NDUFAF2: variants seen among roughly 807,000 people sequenced by gnomAD.
NDUFAF2 encodes NADH:ubiquinone oxidoreductase complex assembly factor 2, also known as NADH dehydrogenase [ubiquinone] 1 alpha subcomplex assembly factor 2.
Under a neutral mutation model 22.8 loss-of-function variants are expected in NDUFAF2, and 13 were observed. That is an observed-to-expected ratio of 0.57 (90% confidence interval 0.37 to 0.91). The LOEUF is 0.91. NDUFAF2 is among the 40% of genes least tolerant of loss of function. NDUFAF2 has a pLI of 0.01. For missense variants in NDUFAF2, 162 were observed against 195.2 expected (o/e 0.83, Z 1.01); for synonymous variants, 53 against 64.2 (o/e 0.83, Z 0.84).
intron 1 of NDUFAF2, among the ~76,000 whole-genome samples, chr5:61,038,762 T>A (rs1392723460): frequency 6.6e-6 from 1 of 152,184 alleles, no homozygotes; most frequent in African/African-American, 2.4e-5. Context: ...AAGTTATTAT[T>A]AATCATCCAA....
intron 1 of NDUFAF2, among the ~76,000 whole-genome samples, chr5:60,951,767 G>A (rs540311044): frequency 6.6e-6 from 1 of 151,954 alleles, no homozygotes; most frequent in Non-Finnish European, 1.5e-5. Flanking sequence ...TGAAGAATTT[G>A]TATTACTTAT....
At chr5:61,012,401 AG>A (rs2112598398) in intron 1 of NDUFAF2, among the ~76,000 whole-genome samples, 1 of 152,268 alleles carries the variant, frequency 6.6e-6, no homozygotes, top group Non-Finnish European at 1.5e-5. Context: ...CAAATATTGA[AG>A]ACATAGCTAT....
chr5:61,069,015 G>T (rs1046781338), intron 1 of NDUFAF2, among the ~76,000 whole-genome samples: 1 of 151,926 alleles, frequency 6.6e-6, no homozygotes, highest in African/African-American at 2.4e-5. Flanking sequence ...TTATTTAAAT[G>T]AAGTAATAAT....
intron 1 of NDUFAF2, among the ~76,000 whole-genome samples, chr5:60,968,516 G>A (rs1461150448): frequency 6.6e-6 from 1 of 150,602 alleles, no homozygotes; most frequent in Non-Finnish European, 1.5e-5. Flanking sequence ...ATAAGTTTTG[G>A]TATGTTATGT....
chr5:61,027,803 G>A (rs185316629), intron 1 of NDUFAF2, among the ~76,000 whole-genome samples: 5 of 151,608 alleles, frequency 3.3e-5, no homozygotes, highest in Non-Finnish European at 5.9e-5. Flanking sequence ...TTCATCACCC[G>A]ATCAAATCAA....
intron 1 of NDUFAF2, among the ~76,000 whole-genome samples, chr5:61,010,880 A>G (rs1360852277): frequency 6.6e-6 from 1 of 152,080 alleles, no homozygotes; most frequent in Non-Finnish European, 1.5e-5. Flanking sequence ...GGGAAAGGGC[A>G]TTTTCTTCTT....
rs954646691 is a variant in NDUFAF2 at position 60,965,997 on chromosome 5, G to A, written c.127+20615G>A. ...TTACATTCCCACCAAGAGTGTGCAA[G>A]GTTTTCCTTTTCTCTACATTGTCGA... On this transcript the variant is annotated intron_variant, in intron 1 of 3. Coordinates refer to ENST00000296597, the MANE Select transcript of NDUFAF2 (RefSeq NM_174889.5). Among the ~76,000 whole-genome samples, 75 of 151,952 alleles carry A rather than the reference G, an allele frequency of 4.9e-4. 1 individual carries two copies. Among genetic ancestry groups the A allele is most frequent in the Admixed American group, 4.9e-3 (75 of 15,244 alleles).
intron 1 of NDUFAF2, among the ~76,000 whole-genome samples, chr5:60,982,898 C>A (rs1751006935): frequency 6.6e-6 from 1 of 151,944 alleles, no homozygotes; most frequent in Non-Finnish European, 1.5e-5. Flanking sequence ...GATTCGTAAA[C>A]CTTTGGGTAT....
chr5:61,129,075 G>T (rs1221321059), intron 3 of NDUFAF2, among the ~76,000 whole-genome samples: 1 of 152,192 alleles, frequency 6.6e-6, no homozygotes, highest in Non-Finnish European at 1.5e-5. Flanking sequence ...TCAGAGAAAT[G>T]CAAATCAAAA....
chr5:61,119,727 C>T (rs1285863781), intron 3 of NDUFAF2, among the ~76,000 whole-genome samples: 2 of 152,114 alleles, frequency 1.3e-5, no homozygotes, highest in Non-Finnish European at 2.9e-5. Context: ...CCATTTGTTC[C>T]TGCCTTTGAT....
intron 1 of NDUFAF2, among the ~76,000 whole-genome samples, chr5:60,982,589 C>T (rs1751000549): frequency 7.2e-6 from 1 of 138,082 alleles, no homozygotes; most frequent in South Asian, 2.4e-4. Context: ...GTGATGTTCC[C>T]CTTCCTGTGT....
chr5:61,032,482 A>G (rs1027493782), intron 1 of NDUFAF2, among the ~76,000 whole-genome samples: 3 of 152,148 alleles, frequency 2.0e-5, no homozygotes, highest in Non-Finnish European at 4.4e-5. Context: ...TAAATAGGGA[A>G]TCCTTTCCCC....
intron 1 of NDUFAF2, among the ~76,000 whole-genome samples, chr5:60,971,583 G>A (rs766805279): frequency 5.9e-5 from 9 of 151,994 alleles, no homozygotes; most frequent in Non-Finnish European, 1.2e-4. Flanking sequence ...CACCGCGCCC[G>A]GCATATCCCC....
At chr5:61,004,974 C>A (rs1039276507) in intron 1 of NDUFAF2, among the ~76,000 whole-genome samples, 1 of 151,626 alleles carries the variant, frequency 6.6e-6, no homozygotes, top group Non-Finnish European at 1.5e-5. Context: ...TTCTAGGGTA[C>A]GTGTGCACAA....
intron 1 of NDUFAF2, among the ~76,000 whole-genome samples, chr5:60,951,669 G>GT (rs1458779172): frequency 1.3e-5 from 2 of 151,932 alleles, no homozygotes; most frequent in Non-Finnish European, 2.9e-5. Flanking sequence ...CTTTTAATGT[G>GT]TTTTCTAGGT....
chr5:61,139,863 T>C (rs1741024259), intron 3 of NDUFAF2, among the ~76,000 whole-genome samples: 2 of 152,204 alleles, frequency 1.3e-5, no homozygotes, highest in South Asian at 4.1e-4. Flanking sequence ...CTACAGCCTG[T>C]CCCTTTCCCA....
intron 1 of NDUFAF2, among the ~76,000 whole-genome samples, chr5:60,975,483 T>G (rs1453603542): frequency 2.0e-5 from 3 of 152,044 alleles, no homozygotes; most frequent in African/African-American, 7.2e-5. Flanking sequence ...GAAGGTCAGT[T>G]GGATAAATGA....
At chr5:61,066,878 A>G (rs1489372692) in intron 1 of NDUFAF2, among the ~76,000 whole-genome samples, 1 of 152,266 alleles carries the variant, frequency 6.6e-6, no homozygotes, top group East Asian at 1.9e-4. Flanking sequence ...ATGGATACAG[A>G]GGACTGATTG....
intron 2 of NDUFAF2, among the ~76,000 whole-genome samples, chr5:61,092,928 T>C (rs1250426471): frequency 6.6e-6 from 1 of 152,158 alleles, no homozygotes; most frequent in Non-Finnish European, 1.5e-5. Flanking sequence ...CATCTGCAGC[T>C]GAGGAGCAAG....
Sources: gnomAD v4.1 joint callset for allele counts (sites outside exome capture counted in the v4.1 genomes callset) on GRCh38, gnomAD v4.1.1 for gene constraint, MANE v1.5 for transcripts, NCBI Gene and HGNC (gene_info 2026-07-23, HGNC 2026-07-21) for gene names.